ZMAT4: variants seen among roughly 807,000 people sequenced by gnomAD.
ZMAT4 encodes zinc finger matrin-type 4.
Under a neutral mutation model 28.7 loss-of-function variants are expected in ZMAT4, and 17 were observed. That is an observed-to-expected ratio of 0.59 (90% CI 0.41 to 0.89). ZMAT4 has a LOEUF of 0.89. Among genes scored for constraint, ZMAT4 ranks in the 40% least tolerant of loss-of-function variants. ZMAT4 has a pLI of 0.00. For missense variants in ZMAT4, 240 were observed against 283.8 expected, an observed-to-expected ratio of 0.85 and a Z score of 1.11; for synonymous variants, 117 against 109.2, an observed-to-expected ratio of 1.07 and a Z score of -0.44.
intron 2 of ZMAT4, among the ~76,000 whole-genome samples, chr8:40,777,209 A>C (rs1209262689): frequency 6.6e-6 from 1 of 152,216 alleles, no homozygotes; most frequent in Non-Finnish European, 1.5e-5. Context: ...TAAATTTAAA[A>C]ATACATTATA....
intron 3 of ZMAT4, among the ~76,000 whole-genome samples, chr8:40,733,356 A>G (rs774333156): frequency 6.6e-6 from 1 of 152,174 alleles, no homozygotes; most frequent in Non-Finnish European, 1.5e-5. Flanking sequence ...TTGAAACTCT[A>G]TTATGTTCTA....
intron 4 of ZMAT4, among the ~76,000 whole-genome samples, chr8:40,684,895 C>T (rs562180197): frequency 6.6e-6 from 1 of 152,000 alleles, no homozygotes; most frequent in Non-Finnish European, 1.5e-5. Context: ...CTACCACCCC[C>T]ACCCCTGAAA....
chr8:40,620,227 C>CT (rs1308228379), intron 5 of ZMAT4, among the ~76,000 whole-genome samples: 1 of 152,186 alleles, frequency 6.6e-6, no homozygotes, highest in African/African-American at 2.4e-5. Flanking sequence ...ACTGTGGATC[C>CT]TGAAGAATCA....
At chr8:40,564,911 A>G (rs1803862947) in intron 6 of ZMAT4, among the ~76,000 whole-genome samples, 1 of 152,196 alleles carries the variant, frequency 6.6e-6, no homozygotes, top group African/African-American at 2.4e-5. Context: ...CACGGATAGT[A>G]AAAAATCTGC....
At chr8:40,692,883 TA>T (rs200407145) in intron 4 of ZMAT4, among the ~76,000 whole-genome samples, 159 of 151,178 alleles carry the variant, frequency 1.1e-3, no homozygotes, top group Non-Finnish European at 1.8e-3. Flanking sequence ...GGATTTATCA[TA>T]AAAAAAAAGA....
chr8:40,881,341 A>G lies in ZMAT4; in HGVS notation c.-5+16342T>C, dbSNP rs139634731. 2.6e-5 allele frequency among the ~76,000 whole-genome samples: 4 copies of G among 151,028 alleles called. No homozygotes were observed. In the East Asian group the frequency reaches 7.8e-4, roughly 30 times the overall value. Reference sequence around the variant, plus strand: ...GAGGTAGAGGTTTCAGTGAGCTGTGAGACACCACTGCACTCCAGCCTGGGC... The same window carrying G: ...GAGGTAGAGGTTTCAGTGAGCTGTGGGACACCACTGCACTCCAGCCTGGGC... On this transcript the variant is annotated intron_variant, in intron 1 of 6. Coordinates refer to ENST00000297737, the MANE Select transcript of ZMAT4 (RefSeq NM_024645.3).
At chr8:40,620,460 T>C (rs552873746) in intron 5 of ZMAT4, among the ~76,000 whole-genome samples, 1 of 152,338 alleles carries the variant, frequency 6.6e-6, no homozygotes, top group African/African-American at 2.4e-5. Context: ...ATATTACTTT[T>C]ATTCCTCTGT....
At chr8:40,807,296 G>T (rs1254607764) in intron 2 of ZMAT4, among the ~76,000 whole-genome samples, 4 of 151,960 alleles carry the variant, frequency 2.6e-5, no homozygotes, top group Non-Finnish European at 4.4e-5. Flanking sequence ...ACAAAAATTA[G>T]CCGGGCATGG....
At chr8:40,891,783 C>G (rs540992757) in intron 1 of ZMAT4, among the ~76,000 whole-genome samples, 3 of 152,180 alleles carry the variant, frequency 2.0e-5, no homozygotes, top group Non-Finnish European at 4.4e-5. Context: ...ATGGAAGGGT[C>G]GCGCCTCCCC....
intron 1 of ZMAT4, among the ~76,000 whole-genome samples, chr8:40,897,375 A>G (rs1343371415): frequency 6.6e-6 from 1 of 152,038 alleles, no homozygotes; most frequent in Non-Finnish European, 1.5e-5. Flanking sequence ...CTGGGATCCA[A>G]CTTCTTTCAC....
At chr8:40,808,911 G>A (rs1261726828) in intron 2 of ZMAT4, among the ~76,000 whole-genome samples, 1 of 150,916 alleles carries the variant, frequency 6.6e-6, no homozygotes, top group Non-Finnish European at 1.5e-5. Context: ...AGGATAAAAA[G>A]TAATTAAAGG....
chr8:40,798,311 A>G (rs1814680343), intron 2 of ZMAT4, among the ~76,000 whole-genome samples: 2 of 152,190 alleles, frequency 1.3e-5, no homozygotes. Flanking sequence ...GCAAACATTT[A>G]TCAAGCTCCA....
intron 3 of ZMAT4, among the ~76,000 whole-genome samples, chr8:40,751,127 A>T (rs1254123509): frequency 6.6e-6 from 1 of 152,168 alleles, no homozygotes; most frequent in Admixed American, 6.5e-5. Context: ...CTTCTCTCTT[A>T]TGGCTGAAAT....
intron 4 of ZMAT4, among the ~76,000 whole-genome samples, chr8:40,696,829 A>C (rs139327994): frequency 6.6e-6 from 1 of 152,314 alleles, no homozygotes; most frequent in East Asian, 1.9e-4. Context: ...CAAGGTAAAA[A>C]AAAGGATGAT....
intron 5 of ZMAT4, among the ~76,000 whole-genome samples, chr8:40,606,082 G>C (rs1220473510): frequency 1.3e-5 from 2 of 152,102 alleles, no homozygotes; most frequent in Non-Finnish European, 2.9e-5. Context: ...TGTTCGATTA[G>C]TCTCTTGAAG....
At chr8:40,630,986 T>TC (rs1385149743) in intron 5 of ZMAT4, among the ~76,000 whole-genome samples, 3 of 151,966 alleles carry the variant, frequency 2.0e-5, no homozygotes, top group Non-Finnish European at 4.4e-5. Flanking sequence ...CACATTTTTT[T>TC]TTCATGGCAA....
chr8:40,858,271 T>C (rs1377863287), intron 1 of ZMAT4, among the ~76,000 whole-genome samples: 1 of 152,038 alleles, frequency 6.6e-6, no homozygotes, highest in Non-Finnish European at 1.5e-5. Flanking sequence ...TCAATGGGGG[T>C]GAGGCGGTGC....
intron 1 of ZMAT4, among the ~76,000 whole-genome samples, chr8:40,835,448 G>A (rs1296035935): frequency 6.6e-6 from 1 of 152,226 alleles, no homozygotes; most frequent in Non-Finnish European, 1.5e-5. Flanking sequence ...ACTTTGCTAT[G>A]TATTGGCTAC....
At chr8:40,631,440 G>T (rs911061031) in intron 5 of ZMAT4, among the ~76,000 whole-genome samples, 6 of 152,138 alleles carry the variant, frequency 3.9e-5, no homozygotes, top group African/African-American at 1.4e-4. Flanking sequence ...TTACAAACGT[G>T]AGCCACCGCA....
Sources: allele counts gnomAD v4.1 joint callset (sites outside exome capture counted in the v4.1 genomes callset), GRCh38; gene constraint gnomAD v4.1.1; transcripts MANE v1.5; gene names NCBI Gene and HGNC (gene_info 2026-07-23, HGNC 2026-07-21).